The following SHOC1 variants were observed in gnomAD, a reference collection of about 807,000 sequenced individuals.
The protein encoded by SHOC1 is shortage in chiasmata 1.
A neutral mutation model predicts 179.2 loss-of-function variants in SHOC1; 136 were observed. That is an observed-to-expected ratio of 0.76 (90% confidence interval 0.66 to 0.87). The LOEUF is 0.87. Among genes scored for constraint, SHOC1 ranks in the 40% least tolerant of loss-of-function variants. The probability of loss-of-function intolerance (pLI) is 0.00; values close to 1 mark genes in which losing one functional copy is unlikely to be tolerated. For synonymous variants in SHOC1, 489 were observed against 586.6 expected (o/e 0.83, Z 2.41); for missense variants, 1,538 against 1,700.8 (o/e 0.90, Z 1.68).
intron 19 of SHOC1, 40 bp downstream of exon 19, chr9:111,707,815 G>T: frequency 1.5e-6 from 2 of 1,323,146 alleles, no homozygotes; most frequent in Non-Finnish European, 2.1e-6. Flanking sequence ...CTGTGAAACT[G>T]GTACGTTTGT....
At chr9:111,743,605 G>C (rs1191072270) in intron 10 of SHOC1, among the ~76,000 whole-genome samples, 5 of 152,068 alleles carry the variant, frequency 3.3e-5, no homozygotes, top group Admixed American at 3.3e-4. Context: ...TGACTCCAAA[G>C]CACAAGAGTA....
At chr9:111,776,037 G>T in intron 4 of SHOC1, 62 bp from the exon 5 acceptor site, 1 of 1,264,228 alleles carries the variant, frequency 7.9e-7, no homozygotes, top group Non-Finnish European at 1.1e-6. Context: ...TTTATTAGTA[G>T]ATAATATATG....
intron 2 of SHOC1, 118 bp from the exon 3 acceptor site, chr9:111,786,153 T>C: frequency 1.4e-6 from 1 of 728,648 alleles, no homozygotes. Flanking sequence ...AAGTAATACA[T>C]GCTCCTTATA....
At chr9:111,764,178 T>C (rs12337343) in intron 5 of SHOC1, among the ~76,000 whole-genome samples, 28,666 of 152,156 alleles carry the variant, frequency 0.19, 2,895 homozygotes, top group Non-Finnish European at 0.22. Context: ...CACCTATTCA[T>C]TTGTCACTTA....
At chr9:111,703,831 G>T in intron 22 of SHOC1, 50 bp downstream of exon 22, 1 of 860,918 alleles carries the variant, frequency 1.2e-6, no homozygotes, top group Non-Finnish European at 1.8e-6. Context: ...AAATTACATA[G>T]CCATATATTT....
intron 27 of SHOC1, among the ~76,000 whole-genome samples, chr9:111,689,260 C>T (rs1831315067): frequency 6.6e-6 from 1 of 150,928 alleles, no homozygotes; most frequent in South Asian, 2.1e-4. Flanking sequence ...GTGGTGCGTA[C>T]CTTTCGTCCC....
Position 111,722,483 on chromosome 9 carries a change from G to A in SHOC1, c.2057C>T (p.Ala686Val), listed in dbSNP as rs1833103718. 6.2e-7 allele frequency: 1 copy of A among 1,612,396 alleles called. No individual in the cohort carries two copies. Among genetic ancestry groups the A allele is most frequent in the South Asian group, 1.1e-5 (1 of 90,636 alleles). Residue 686 changes from alanine to valine, a missense_variant, in exon 15 of 28, where the codon GCC becomes GTC. Ala to Val is a moderately conservative substitution (Grantham distance 64). Coordinates refer to ENST00000682961, the MANE Select transcript of SHOC1 (RefSeq NM_001378211.1). ...CTLPTANWKF[A>V]TVIFDQTRFL... ...CCTTGTTTGGTCAAAAATAACAGTG[G>A]CAAATTTCCAATTAGCAGTAGGGAG...
chr9:111,728,087 C>T (rs1833392925), intron 12 of SHOC1, 38 bp from the exon 13 acceptor site: 1 of 1,402,254 alleles, frequency 7.1e-7, no homozygotes, highest in Non-Finnish European at 9.6e-7. Context: ...GTAACTTCCA[C>T]ACCTAAACGA....
intron 27 of SHOC1, among the ~76,000 whole-genome samples, chr9:111,690,885 C>T (rs1447950575): frequency 6.6e-6 from 1 of 152,150 alleles, no homozygotes; most frequent in Non-Finnish European, 1.5e-5. Flanking sequence ...ACTTAAGCTT[C>T]CCCCCGCCCT....
intron 5 of SHOC1, among the ~76,000 whole-genome samples, chr9:111,770,554 G>C (rs1835560618): frequency 6.6e-6 from 1 of 152,100 alleles, no homozygotes; most frequent in South Asian, 2.1e-4. Context: ...GTAAATGTTA[G>C]TTAGGCCTAT....
chr9:111,707,515 G>A (rs1832329332), intron 19 of SHOC1, among the ~76,000 whole-genome samples: 1 of 152,076 alleles, frequency 6.6e-6, no homozygotes, highest in Non-Finnish European at 1.5e-5. Context: ...TCAGGAAGGA[G>A]AACCCTGAAG....
In SHOC1 at chr9:111,703,637, A is replaced by G. The variant is rs577960956; in HGVS notation, c.2967+244T>C. On this transcript the variant is annotated intron_variant, in intron 22 of 27. Transcript: ENST00000682961. The stretch of plus-strand genomic sequence containing the variant: ...CTATAAATATACTTAAAATAGGTTA[A>G]TATACAATATTAAATATTCTTTATT... 9.2e-5 allele frequency among the ~76,000 whole-genome samples: 14 copies of G among 152,286 alleles called. No individual in the cohort carries two copies. The East Asian group carries it at 2.7e-3, about 29-fold the overall frequency.
At chr9:111,779,314 A>T (rs1029103049) in intron 4 of SHOC1, among the ~76,000 whole-genome samples, 1 of 152,158 alleles carries the variant, frequency 6.6e-6, no homozygotes, top group Non-Finnish European at 1.5e-5. Context: ...GGAGCCTGAG[A>T]TTCTGCATTT....
At chr9:111,700,854 C>T (rs1056080835) in intron 23 of SHOC1, among the ~76,000 whole-genome samples, 1 of 151,992 alleles carries the variant, frequency 6.6e-6, no homozygotes, top group Admixed American at 6.6e-5. Context: ...CTTGACCAGC[C>T]CTTAAAAAAA....
intron 5 of SHOC1, among the ~76,000 whole-genome samples, chr9:111,768,850 G>GA (rs1564160375): frequency 6.7e-6 from 1 of 149,438 alleles, no homozygotes; most frequent in Non-Finnish European, 1.5e-5. Context: ...GTCCTTAGAA[G>GA]AAAGACCTTC....
chr9:111,718,373 C>T, intron 15 of SHOC1, 85 bp from the exon 16 acceptor site: 4 of 812,440 alleles, frequency 4.9e-6, no homozygotes, highest in Non-Finnish European at 7.3e-6. Flanking sequence ...ATAATGGGAG[C>T]TAACATTTAT....
intron 10 of SHOC1, among the ~76,000 whole-genome samples, chr9:111,742,764 C>A (rs1834102070): frequency 6.6e-6 from 1 of 152,112 alleles, no homozygotes; most frequent in Non-Finnish European, 1.5e-5. Context: ...ATCCAGTTTA[C>A]CCACATAATC....
intron 5 of SHOC1, among the ~76,000 whole-genome samples, chr9:111,771,271 A>G (rs545103009): frequency 1.3e-5 from 2 of 152,304 alleles, no homozygotes; most frequent in South Asian, 4.1e-4. Flanking sequence ...CAAAGAAAGG[A>G]ATAGAAACAA....
At chr9:111,769,167 T>C (rs887304470) in intron 5 of SHOC1, among the ~76,000 whole-genome samples, 6 of 152,200 alleles carry the variant, frequency 3.9e-5, no homozygotes, top group Admixed American at 2.6e-4. Flanking sequence ...AGTATTTTGT[T>C]GACGATTTTT....
Sources: gnomAD v4.1 joint callset for allele counts (sites outside exome capture counted in the v4.1 genomes callset) on GRCh38, gnomAD v4.1.1 for gene constraint, MANE v1.5 for transcripts, NCBI Gene and HGNC (gene_info 2026-07-23, HGNC 2026-07-21) for gene names.